TOX: variants seen among roughly 807,000 people sequenced by gnomAD.
TOX encodes thymocyte selection-associated high mobility group box protein TOX.
In TOX, 11 loss-of-function variants were observed where a neutral mutation model predicts 53.7. That is an observed-to-expected ratio of 0.20 (90% CI 0.13 to 0.34). The LOEUF is 0.34. Ranked by LOEUF, TOX falls within the 10% of genes least tolerant of loss-of-function variation. The probability of loss-of-function intolerance (pLI) is 1.00; values close to 1 mark genes in which losing one functional copy is unlikely to be tolerated. For missense variants in TOX, 570 were observed against 664.6 expected (o/e 0.86, Z 1.56); for synonymous variants, 225 against 245.3 (o/e 0.92, Z 0.77).
chr8:58,889,905 CA>C (rs978826257), intron 3 of TOX, among the ~76,000 whole-genome samples: 4 of 152,110 alleles, frequency 2.6e-5, no homozygotes, highest in African/African-American at 9.7e-5. Context: ...ATTATAAAAA[CA>C]AAGTTTCCAA....
chr8:58,923,236 G>A (rs560206120), intron 3 of TOX, among the ~76,000 whole-genome samples: 2 of 152,320 alleles, frequency 1.3e-5, no homozygotes, highest in Middle Eastern at 3.4e-3. Context: ...GGCCAGTTAG[G>A]ATCACTGCTA....
At chr8:58,962,536 A>G (rs1431100436) in intron 1 of TOX, among the ~76,000 whole-genome samples, 3 of 152,228 alleles carry the variant, frequency 2.0e-5, no homozygotes, top group Admixed American at 2.0e-4. Flanking sequence ...TTAGCCACCC[A>G]TGCACTTCAC....
Position 58,838,232 on chromosome 8 carries a change from G to C in TOX, c.773C>G (p.Pro258Arg). 3 of 1,614,124 alleles carry C rather than the reference G, an allele frequency of 1.9e-6. No individual in the cohort carries two copies. The highest frequency in any genetic ancestry group is 2.5e-6 in the Non-Finnish European group (3 of 1,180,004). Residue 258 changes from proline (P) to arginine (R), a missense_variant, in exon 5 of 9, where the codon CCC (proline) becomes CGC (arginine). Coordinates refer to ENST00000361421, the MANE Select transcript of TOX (RefSeq NM_014729.3). ...AGACACAGGCTTCTGGGGCTCATTG[G>C]GATCCTTCTTCTTCTTCTTTTTGGG... ...KTPKKKKKKD[P>R]NEPQKPVSAY... is the part of the protein sequence containing the mutation.
At chr8:58,877,603 C>G (rs755779082) in intron 3 of TOX, among the ~76,000 whole-genome samples, 18 of 152,158 alleles carry the variant, frequency 1.2e-4, no homozygotes, top group Non-Finnish European at 2.5e-4. Context: ...TCCAATAAAG[C>G]TCACACCACC....
chr8:58,974,979 G>A (rs1334093021), intron 1 of TOX, among the ~76,000 whole-genome samples: 4 of 151,490 alleles, frequency 2.6e-5, no homozygotes, highest in African/African-American at 9.7e-5. Context: ...ATTCTTCATA[G>A]GTACACAAAG....
chr8:59,080,830 T>C (rs1804394108), intron 1 of TOX, among the ~76,000 whole-genome samples: 1 of 152,192 alleles, frequency 6.6e-6, no homozygotes, highest in Non-Finnish European at 1.5e-5. Flanking sequence ...CCAGGCTTCC[T>C]GTACAGCCTG....
chr8:58,976,015 T>G (rs2129180132), intron 1 of TOX, among the ~76,000 whole-genome samples: 1 of 152,010 alleles, frequency 6.6e-6, no homozygotes, highest in East Asian at 1.9e-4. Flanking sequence ...GAGGTTGCAG[T>G]GAGCCGGGAT....
intron 1 of TOX, among the ~76,000 whole-genome samples, chr8:58,980,200 C>G (rs16924370): frequency 0.067 from 10,133 of 152,154 alleles, 424 homozygotes; most frequent in East Asian, 0.22. Context: ...AGCCTGAGAA[C>G]AAGAACAGAG....
chr8:58,824,072 C>G (rs1252673401), intron 6 of TOX, among the ~76,000 whole-genome samples: 1 of 150,188 alleles, frequency 6.7e-6, no homozygotes, highest in Non-Finnish European at 1.5e-5. Flanking sequence ...AATGCTGTGC[C>G]ATGACTCTGA....
At chr8:59,097,193 A>G (rs1804727574) in intron 1 of TOX, among the ~76,000 whole-genome samples, 1 of 152,140 alleles carries the variant, frequency 6.6e-6, no homozygotes, top group South Asian at 2.1e-4. Context: ...CCAAGATGAT[A>G]ACCTTAACAA....
chr8:58,837,953 C>T (rs910060138), intron 5 of TOX, 128 bp downstream of exon 5: 8 of 764,750 alleles, frequency 1.0e-5, no homozygotes, highest in Middle Eastern at 2.6e-4. Flanking sequence ...AAGTCTGGTT[C>T]GGATGGGGAC....
intron 7 of TOX, among the ~76,000 whole-genome samples, chr8:58,811,933 A>T (rs1810084168): frequency 6.6e-6 from 1 of 152,232 alleles, no homozygotes; most frequent in South Asian, 2.1e-4. Context: ...AAAGGATAAT[A>T]AAATAGCTAA....
At chr8:58,976,158 C>T (rs1813096188) in intron 1 of TOX, among the ~76,000 whole-genome samples, 1 of 152,160 alleles carries the variant, frequency 6.6e-6, no homozygotes, top group African/African-American at 2.4e-5. Flanking sequence ...TGTTTGATAG[C>T]ATGCTACCTA....
chr8:58,807,844 T>TG (rs1361865961), intron 8 of TOX, 61 bp from the exon 9 acceptor site: 1 of 1,596,084 alleles, frequency 6.3e-7, no homozygotes. Flanking sequence ...CAGGTGACAA[T>TG]GGGGGGATGG....
At chr8:58,854,290 T>C (rs1810874864) in intron 3 of TOX, among the ~76,000 whole-genome samples, 1 of 152,232 alleles carries the variant, frequency 6.6e-6, no homozygotes, top group South Asian at 2.1e-4. Context: ...CTTCTCATCC[T>C]TTCAGAAATC....
intron 1 of TOX, among the ~76,000 whole-genome samples, chr8:59,047,818 A>G (rs982839930): frequency 1.3e-5 from 2 of 152,198 alleles, no homozygotes; most frequent in African/African-American, 2.4e-5. Context: ...ATTACAAACA[A>G]CATTATCAGA....
intron 1 of TOX, among the ~76,000 whole-genome samples, chr8:59,045,581 C>T (rs942906166): frequency 2.6e-5 from 4 of 152,138 alleles, no homozygotes; most frequent in Admixed American, 6.5e-5. Context: ...AAGGTCACGA[C>T]AAATTCTGGA....
intron 1 of TOX, among the ~76,000 whole-genome samples, chr8:59,045,237 A>G (rs1048673412): frequency 1.3e-5 from 2 of 151,932 alleles, no homozygotes; most frequent in African/African-American, 2.4e-5. Context: ...CATTTTTCTT[A>G]TTATTTAAAC....
intron 4 of TOX, among the ~76,000 whole-genome samples, chr8:58,843,551 G>A (rs1387577304): frequency 6.6e-6 from 1 of 152,136 alleles, no homozygotes. Context: ...TAAAGGACTA[G>A]TGAATATTCA....
Sources: gnomAD v4.1 joint callset for allele counts (sites outside exome capture counted in the v4.1 genomes callset) on GRCh38, gnomAD v4.1.1 for gene constraint, MANE v1.5 for transcripts, NCBI Gene and HGNC (gene_info 2026-07-23, HGNC 2026-07-21) for gene names.